The following NRG3 variants were observed in gnomAD, a reference collection of about 807,000 sequenced individuals.
NRG3 encodes neuregulin 3.
In NRG3, 31 loss-of-function variants were observed where a neutral mutation model predicts 66.9. The ratio of observed to expected loss-of-function variants is 0.46; its 90% CI spans 0.35 to 0.63. NRG3 has a LOEUF of 0.63. NRG3 is among the 20% of genes least tolerant of loss of function. The pLI is 0.00. For synonymous variants in NRG3, 393 were observed against 359.4 expected (o/e 1.09, Z -1.06); for missense variants, 910 against 878.9 (o/e 1.04, Z -0.45).
chr10:82,546,744 C>G (rs953954178), intron 2 of NRG3, among the ~76,000 whole-genome samples: 1 of 152,122 alleles, frequency 6.6e-6, no homozygotes, highest in African/African-American at 2.4e-5. Context: ...ATGTGTAAAT[C>G]ATCTCTAACT....
chr10:82,912,759 T>C (rs1845444550), intron 4 of NRG3, among the ~76,000 whole-genome samples: 1 of 152,176 alleles, frequency 6.6e-6, no homozygotes, highest in Non-Finnish European at 1.5e-5. Context: ...TTTTTTCATT[T>C]TTGGATCTAA....
At chr10:82,936,250 T>C (rs1848055339) in intron 4 of NRG3, among the ~76,000 whole-genome samples, 1 of 152,130 alleles carries the variant, frequency 6.6e-6, no homozygotes, top group Non-Finnish European at 1.5e-5. Flanking sequence ...TTAGGTGAAG[T>C]AAGAGATGTG....
chr10:82,968,889 T>C (rs1227019120), intron 6 of NRG3, among the ~76,000 whole-genome samples: 1 of 152,178 alleles, frequency 6.6e-6, no homozygotes, highest in African/African-American at 2.4e-5. Flanking sequence ...TGAGGCCTCA[T>C]AATCATGGTG....
intron 1 of NRG3, among the ~76,000 whole-genome samples, chr10:82,222,096 C>T (rs2075969159): frequency 6.6e-6 from 1 of 151,956 alleles, no homozygotes; most frequent in African/African-American, 2.4e-5. Context: ...AAGGGCCTTA[C>T]ATTTGTGTCA....
intron 3 of NRG3, among the ~76,000 whole-genome samples, chr10:82,837,529 G>A (rs534541232): frequency 1.7e-4 from 26 of 152,124 alleles, no homozygotes; most frequent in Non-Finnish European, 2.2e-4. Flanking sequence ...TAAAGAAGAC[G>A]AAAAAATAAA....
intron 3 of NRG3, among the ~76,000 whole-genome samples, chr10:82,834,937 G>T (rs1272011138): frequency 1.3e-5 from 2 of 152,100 alleles, no homozygotes; most frequent in African/African-American, 4.8e-5. Flanking sequence ...TTTTCAATCT[G>T]GTCCTCCTTC....
At chr10:82,219,291 T>G (rs966652485) in intron 1 of NRG3, among the ~76,000 whole-genome samples, 2 of 147,350 alleles carry the variant, frequency 1.4e-5, no homozygotes, top group African/African-American at 5.1e-5. Flanking sequence ...GGTAGCTATG[T>G]GACCCCTCAA....
intron 1 of NRG3, among the ~76,000 whole-genome samples, chr10:82,293,275 A>G (rs982038135): frequency 1.3e-5 from 2 of 152,184 alleles, no homozygotes; most frequent in Admixed American, 1.3e-4. Flanking sequence ...CACTGCAAAA[A>G]TGACCTCAGT....
chr10:82,648,914 A>G (rs1032629445), intron 2 of NRG3, among the ~76,000 whole-genome samples: 2 of 152,112 alleles, frequency 1.3e-5, no homozygotes, highest in Admixed American at 1.3e-4. Context: ...GGGCTGAGAC[A>G]ATGCAACAAC....
intron 2 of NRG3, among the ~76,000 whole-genome samples, chr10:82,691,020 C>A (rs1368189941): frequency 6.6e-6 from 1 of 151,942 alleles, no homozygotes; most frequent in Admixed American, 6.6e-5. Flanking sequence ...TTTTCCTTGT[C>A]TTTCTCTTGT....
chr10:82,727,174 C>CA (rs1228569129), intron 2 of NRG3, among the ~76,000 whole-genome samples: 1 of 152,152 alleles, frequency 6.6e-6, no homozygotes, highest in African/African-American at 2.4e-5. Context: ...AAAGAAAATT[C>CA]AATTTTCTGA....
chr10:82,867,883 C>T (rs1270806813), intron 4 of NRG3, among the ~76,000 whole-genome samples: 1 of 152,102 alleles, frequency 6.6e-6, no homozygotes, highest in Admixed American at 6.5e-5. Context: ...TCCTCATTCG[C>T]TAATGATGGC....
intron 2 of NRG3, among the ~76,000 whole-genome samples, chr10:82,363,773 A>G (rs1052705019): frequency 6.6e-6 from 1 of 152,142 alleles, no homozygotes; most frequent in Non-Finnish European, 1.5e-5. Context: ...CATGCTTGTG[A>G]ATATTTATTT....
At chr10:81,913,001 CA>C (rs1283843641) in intron 1 of NRG3, among the ~76,000 whole-genome samples, 2 of 152,176 alleles carry the variant, frequency 1.3e-5, no homozygotes, top group African/African-American at 4.8e-5. Context: ...TAAACTTAGA[CA>C]AGCTAATTAA....
chr10:82,614,257 A>G (rs529072718), intron 2 of NRG3, among the ~76,000 whole-genome samples: 1 of 152,110 alleles, frequency 6.6e-6, no homozygotes, highest in Non-Finnish European at 1.5e-5. Context: ...CTCATATTTC[A>G]TGGGAGGCAA....
At chr10:82,102,133 CATATATATATATATAT>C (rs369498870) in intron 1 of NRG3, among the ~76,000 whole-genome samples, 3 of 26,296 alleles carry the variant, frequency 1.1e-4, no homozygotes, top group African/African-American at 1.6e-4. Flanking sequence ...TATGTGTATT[CATATATATATATATAT>C]ATATATATAT....
At chr10:82,750,867 A>G (rs996923454) in intron 3 of NRG3, among the ~76,000 whole-genome samples, 14 of 152,104 alleles carry the variant, frequency 9.2e-5, no homozygotes, top group Admixed American at 8.5e-4. Flanking sequence ...TCCATCATTT[A>G]TTGAAATTAA....
At chr10:82,584,761 A>G (rs942079656) in intron 2 of NRG3, among the ~76,000 whole-genome samples, 3 of 152,172 alleles carry the variant, frequency 2.0e-5, no homozygotes, top group African/African-American at 7.2e-5. Flanking sequence ...AGATATAAGC[A>G]TGATGCTTTG....
At chr10:82,192,807 G>A (rs1336532392) in intron 1 of NRG3, among the ~76,000 whole-genome samples, 1 of 152,168 alleles carries the variant, frequency 6.6e-6, no homozygotes, top group African/African-American at 2.4e-5. Flanking sequence ...GGTAGGAAAT[G>A]TAAGGTGATT....
Sources: allele counts gnomAD v4.1 joint callset (sites outside exome capture counted in the v4.1 genomes callset), GRCh38; gene constraint gnomAD v4.1.1; transcripts MANE v1.5; gene names NCBI Gene and HGNC (gene_info 2026-07-23, HGNC 2026-07-21).